Variants in CES5A observed in about 807,000 individuals in gnomAD.
The protein encoded by CES5A is carboxylesterase 5A.
In CES5A, 67 loss-of-function variants were observed where a neutral mutation model predicts 62.9. The observed-to-expected ratio is 1.07, with a 90% CI of 0.88 to 1.31. CES5A has a LOEUF of 1.31. Among genes scored for constraint, CES5A ranks in the 50% most tolerant of loss-of-function variants. The probability of loss-of-function intolerance (pLI) is 0.00; values close to 1 mark genes in which losing one functional copy is unlikely to be tolerated. For synonymous variants in CES5A, 296 were observed against 280.8 expected, an observed-to-expected ratio of 1.05 and a Z score of -0.54; for missense variants, 748 against 708.5, an observed-to-expected ratio of 1.06 and a Z score of -0.63.
chr16:55,922,935 A>G (rs1262589730), intron 1 of CES5A, among the ~76,000 whole-genome samples: 1 of 151,934 alleles, frequency 6.6e-6, no homozygotes, highest in Non-Finnish European at 1.5e-5. Context: ...ATGCTCCTGA[A>G]TTACCAATAG....
At chr16:55,865,572 A>T (rs2033440332) in intron 5 of CES5A, among the ~76,000 whole-genome samples, 1 of 152,230 alleles carries the variant, frequency 6.6e-6, no homozygotes, top group Admixed American at 6.5e-5. Context: ...TTGGTGAGGG[A>T]ATATACATTT....
intron 1 of CES5A, among the ~76,000 whole-genome samples, chr16:55,950,336 A>G (rs1164646580): frequency 6.6e-6 from 1 of 152,232 alleles, no homozygotes; most frequent in Admixed American, 6.5e-5. Context: ...CTACATCCCC[A>G]TGGAAAGAAT....
At chr16:55,877,330 A>G (rs2033709206), upstream of CES5A, among the ~76,000 whole-genome samples, 1 of 152,186 alleles carries the variant, frequency 6.6e-6, no homozygotes, top group Non-Finnish European at 1.5e-5. Context: ...AGTTAGATGT[A>G]ATTGTCTATC....
intron 2 of CES5A, among the ~76,000 whole-genome samples, chr16:55,938,121 A>G (rs2034397187): frequency 6.6e-6 from 1 of 152,186 alleles, no homozygotes; most frequent in Non-Finnish European, 1.5e-5. Context: ...GATTCCATGG[A>G]TCGAGGGAAA....
intron 2 of CES5A, among the ~76,000 whole-genome samples, chr16:55,948,248 G>A (rs1339253358): frequency 2.0e-5 from 3 of 151,884 alleles, no homozygotes; most frequent in East Asian, 1.9e-4. Context: ...TGGGCAGGCC[G>A]AGAAAGGAGG....
chr16:55,894,384 T>G lies in CES5A; in HGVS notation c.-255-20347A>C, dbSNP rs573553239. Among the ~76,000 whole-genome samples the G allele has an allele frequency of 1.8e-4, 28 of 151,570 alleles. No homozygotes were observed. The East Asian group carries it at 5.3e-3, about 29-fold the overall frequency. On this transcript the variant is annotated intron_variant, in intron 1 of 12. Transcript: ENST00000518005. ...TCAGCCAGGCGTGGTGGCAGGTGCC[T>G]GTAGTCCCAGCTACTTGGGAGGCTG...
chr16:55,854,110 T>C (rs1216240524), intron 9 of CES5A, among the ~76,000 whole-genome samples: 3 of 152,160 alleles, frequency 2.0e-5, no homozygotes, highest in Non-Finnish European at 2.9e-5. Context: ...AAGGTGGGTA[T>C]AGATGCTATG....
At position 55,914,154 on chromosome 16, in the gene CES5A, G is replaced by T. The variant is rs1042779416; in HGVS notation, c.-256+11169C>A. On this transcript the variant is annotated intron_variant, in intron 1 of 12. Transcript: ENST00000518005. ...ATTACCTAAAGTTCAACTTTTACAG[G>T]GCCTCCTATATTTTTATTTGCAAAA... 2.0e-5 allele frequency among the ~76,000 whole-genome samples: 3 copies of T among 151,976 alleles called. No homozygotes were observed. The East Asian group carries it at 5.8e-4, about 29-fold the overall frequency.
At chr16:55,929,277 G>A (rs1311774540), upstream of CES5A, among the ~76,000 whole-genome samples, 2 of 152,214 alleles carry the variant, frequency 1.3e-5, no homozygotes, top group African/African-American at 2.4e-5. Flanking sequence ...CAACAGCCTC[G>A]CCAAGGGAGG....
At chr16:55,852,025 A>G (rs1357439001) in intron 10 of CES5A, among the ~76,000 whole-genome samples, 1 of 152,188 alleles carries the variant, frequency 6.6e-6, no homozygotes, top group Non-Finnish European at 1.5e-5. Flanking sequence ...AGAAAGTAGA[A>G]TGGTGGTTAT....
At chr16:55,897,189 A>G (rs1597139919) in intron 1 of CES5A, among the ~76,000 whole-genome samples, 1 of 151,652 alleles carries the variant, frequency 6.6e-6, no homozygotes. Context: ...AGAGCATCCA[A>G]CCCCAGGGTA....
At chr16:55,878,981 C>T (rs2033731615), upstream of CES5A, among the ~76,000 whole-genome samples, 1 of 145,130 alleles carries the variant, frequency 6.9e-6, no homozygotes, top group Non-Finnish European at 1.5e-5. Context: ...CCCATTGCTG[C>T]ACCCCATCAC....
chr16:55,860,458 TAGCCC>T (rs2033330745), intron 7 of CES5A, among the ~76,000 whole-genome samples: 2 of 82,568 alleles, frequency 2.4e-5, no homozygotes, highest in African/African-American at 9.3e-5. Context: ...TTGGGGTGTA[TAGCCC>T]AGGAACCTTC....
chr16:55,912,808 G>T (rs372526038), intron 1 of CES5A, among the ~76,000 whole-genome samples: 5 of 152,280 alleles, frequency 3.3e-5, no homozygotes, highest in African/African-American at 1.2e-4. Flanking sequence ...CCATTTCACC[G>T]TTGAGAAAAC....
chr16:55,918,520 A>G (rs1454569838), intron 1 of CES5A, among the ~76,000 whole-genome samples: 1 of 152,170 alleles, frequency 6.6e-6, no homozygotes, highest in African/African-American at 2.4e-5. Flanking sequence ...AATCCTTACC[A>G]ACTTCTTATC....
At chr16:55,870,368 G>T (rs2033558345) in intron 3 of CES5A, among the ~76,000 whole-genome samples, 1 of 151,942 alleles carries the variant, frequency 6.6e-6, no homozygotes, top group African/African-American at 2.4e-5. Flanking sequence ...GGAGGAAGAG[G>T]AGGAGGAGAA....
Position 55,867,716 on chromosome 16 carries a change from C to CTTATTATCTGGGTGACCT in CES5A, c.552-1601_552-1600insAGGTCACCCAGATAATAA, listed in dbSNP as rs2033493256. Among the ~76,000 whole-genome samples, 3 of 152,360 alleles carry CTTATTATCTGGGTGACCT rather than the reference C, an allele frequency of 2.0e-5. No individual in the cohort carries two copies. The East Asian group carries it at 5.8e-4, about 29-fold the overall frequency. The stretch of plus-strand genomic sequence containing the variant: ...CAGCCTCGAGCACAGGATTCACAGC[C>CTTATTATCTGGGTGACCT]TGGCCACTTATTATCTGGGTGACCT... On this transcript the variant is annotated intron_variant, in intron 4 of 12. Transcript: ENST00000290567.
chr16:55,946,527 C>G (rs1335821851), intron 2 of CES5A, among the ~76,000 whole-genome samples: 6 of 152,238 alleles, frequency 3.9e-5, no homozygotes, highest in African/African-American at 1.4e-4. Context: ...TGCAGTCTCT[C>G]AGTTCCTATG....
At chr16:55,945,555 C>G (rs1196313799) in intron 2 of CES5A, among the ~76,000 whole-genome samples, 4 of 152,230 alleles carry the variant, frequency 2.6e-5, no homozygotes, top group Non-Finnish European at 5.9e-5. Context: ...AGCTCTAGCA[C>G]TAACTGGGGA....
Sources: allele counts gnomAD v4.1 joint callset (sites outside exome capture counted in the v4.1 genomes callset), GRCh38; gene constraint gnomAD v4.1.1; transcripts MANE v1.5; gene names NCBI Gene and HGNC (gene_info 2026-07-23, HGNC 2026-07-21).